MAGI2: variants seen among roughly 807,000 people sequenced by gnomAD.
MAGI2 encodes membrane associated guanylate kinase, WW and PDZ domain containing 2, also known as membrane-associated guanylate kinase, WW and PDZ domain-containing protein 2.
A neutral mutation model predicts 133.3 loss-of-function variants in MAGI2; 35 were observed. The ratio of observed to expected loss-of-function variants is 0.26; its 90% CI spans 0.20 to 0.35. The LOEUF (loss-of-function observed/expected upper bound fraction) is 0.35. MAGI2 is among the 10% of genes least tolerant of loss of function. The probability of loss-of-function intolerance (pLI) is 1.00; values close to 1 mark genes in which losing one functional copy is unlikely to be tolerated. For synonymous variants in MAGI2, 729 were observed against 710.6 expected (o/e 1.03, Z -0.41); for missense variants, 1,636 against 1,863.4 (o/e 0.88, Z 2.25).
chr7:78,914,894 G>A (rs1042085928), intron 2 of MAGI2, among the ~76,000 whole-genome samples: 9 of 152,182 alleles, frequency 5.9e-5, no homozygotes, highest in African/African-American at 1.7e-4. Context: ...ACAAGTTAAA[G>A]CAGAAGATCA....
chr7:78,583,802 C>T (rs1803103540), intron 3 of MAGI2, among the ~76,000 whole-genome samples: 2 of 152,128 alleles, frequency 1.3e-5, no homozygotes, highest in African/African-American at 4.8e-5. Context: ...AGAGAACAAT[C>T]ATGTATTGGC....
intron 1 of MAGI2, among the ~76,000 whole-genome samples, chr7:79,007,773 A>C (rs1376122120): frequency 6.6e-6 from 1 of 152,142 alleles, no homozygotes; most frequent in African/African-American, 2.4e-5. Flanking sequence ...AAGTTAAAGA[A>C]GAAAAACCTA....
intron 2 of MAGI2, among the ~76,000 whole-genome samples, chr7:78,721,671 A>C (rs1356031638): frequency 6.6e-6 from 1 of 152,076 alleles, no homozygotes. Context: ...GAAGGTTCTC[A>C]AAGAACTAAG....
chr7:79,257,331 ATC>A (rs1489631078), intron 1 of MAGI2, among the ~76,000 whole-genome samples: 2 of 152,206 alleles, frequency 1.3e-5, no homozygotes, highest in Non-Finnish European at 2.9e-5. Context: ...CCTCACAGAT[ATC>A]TGAGTGATAT....
At position 78,595,940 on chromosome 7, in the gene MAGI2, T is replaced by C. The variant is rs112964494; in HGVS notation, c.538+31180A>G. ...CACCAGAATGTCTTTGTAATTCAGC[T>C]CTCTTTTGGTAGATTTTGAATAGAG... On this transcript the variant is annotated intron_variant, in intron 3 of 21. Coordinates refer to ENST00000354212, the MANE Select transcript of MAGI2 (RefSeq NM_012301.4). Among the ~76,000 whole-genome samples, 1,145 of 152,204 alleles carry C rather than the reference T, an allele frequency of 7.5e-3. 11 individuals are homozygous for C. The highest frequency in any genetic ancestry group is 0.026 in the African/African-American group (1,093 of 41,510).
At chr7:79,400,934 A>G (rs1200835893) in intron 1 of MAGI2, among the ~76,000 whole-genome samples, 1 of 152,138 alleles carries the variant, frequency 6.6e-6, no homozygotes, top group Non-Finnish European at 1.5e-5. Context: ...CCAGCTCTCA[A>G]TATGACAGAT....
intron 11 of MAGI2, among the ~76,000 whole-genome samples, chr7:78,198,428 G>A (rs964072447): frequency 4.1e-5 from 4 of 97,494 alleles, no homozygotes; most frequent in African/African-American, 1.2e-4. Flanking sequence ...GGCTGTGGCC[G>A]TTTTTTTTTT....
intron 1 of MAGI2, among the ~76,000 whole-genome samples, chr7:79,170,003 T>G (rs1442460538): frequency 4.6e-5 from 7 of 152,002 alleles, no homozygotes; most frequent in Admixed American, 4.6e-4. Context: ...CAATTTCCCT[T>G]AATTTGGAAG....
At chr7:78,863,910 T>G (rs1163160558) in intron 2 of MAGI2, among the ~76,000 whole-genome samples, 1 of 152,238 alleles carries the variant, frequency 6.6e-6, no homozygotes, top group Non-Finnish European at 1.5e-5. Flanking sequence ...GAATTCTCTT[T>G]ACAATCATTG....
chr7:78,187,579 A>G (rs1452763510), intron 12 of MAGI2, among the ~76,000 whole-genome samples: 1 of 152,206 alleles, frequency 6.6e-6, no homozygotes, highest in Non-Finnish European at 1.5e-5. Context: ...TTTTGTTTCA[A>G]ATAAAGAGCC....
chr7:78,648,978 C>CT, intron 2 of MAGI2, among the ~76,000 whole-genome samples: 1 of 152,106 alleles, frequency 6.6e-6, no homozygotes, highest in South Asian at 2.1e-4. Context: ...TTCAAGAGTT[C>CT]TGAAGCCCAT....
At chr7:78,660,382 ATTAACC>A (rs772910412) in intron 2 of MAGI2, among the ~76,000 whole-genome samples, 7 of 137,604 alleles carry the variant, frequency 5.1e-5, no homozygotes, top group Non-Finnish European at 1.1e-4. Context: ...GGAAATTAGC[ATTAACC>A]CTAAACTTAC....
At chr7:79,438,889 G>A (rs1476636610) in intron 1 of MAGI2, among the ~76,000 whole-genome samples, 4 of 151,866 alleles carry the variant, frequency 2.6e-5, no homozygotes, top group South Asian at 2.1e-4. Flanking sequence ...TTTCTCCTTC[G>A]CCTAAACACA....
intron 5 of MAGI2, among the ~76,000 whole-genome samples, chr7:78,495,805 T>C (rs1271594302): frequency 2.0e-5 from 3 of 152,224 alleles, no homozygotes; most frequent in African/African-American, 7.2e-5. Context: ...ATATTGTGGA[T>C]GTGTATTGCA....
intron 10 of MAGI2, among the ~76,000 whole-genome samples, chr7:78,243,587 T>A (rs1192878144): frequency 6.6e-6 from 1 of 152,168 alleles, no homozygotes; most frequent in East Asian, 1.9e-4. Flanking sequence ...ATATAGTCTA[T>A]GATACCTCTT....
At chr7:79,317,411 T>G (rs146357128) in intron 1 of MAGI2, among the ~76,000 whole-genome samples, 2 of 152,106 alleles carry the variant, frequency 1.3e-5, no homozygotes, top group South Asian at 2.1e-4. Flanking sequence ...GAGTATATAA[T>G]GCACTGACTG....
intron 1 of MAGI2, among the ~76,000 whole-genome samples, chr7:79,242,126 T>C (rs1256722106): frequency 6.6e-6 from 1 of 152,190 alleles, no homozygotes; most frequent in Non-Finnish European, 1.5e-5. Flanking sequence ...TTGTACATTA[T>C]GGTGATTATA....
At chr7:78,780,594 C>T (rs1361739245) in intron 2 of MAGI2, among the ~76,000 whole-genome samples, 2 of 152,154 alleles carry the variant, frequency 1.3e-5, no homozygotes, top group African/African-American at 2.4e-5. Flanking sequence ...CCCATGCTCC[C>T]GATCTTCACC....
rs1399941879 is a variant in MAGI2, at chr7:78,020,026, C to G, written c.3707-50G>C. On this transcript the variant is annotated intron_variant, in intron 21 of 21. Coordinates refer to ENST00000354212, the MANE Select transcript of MAGI2 (RefSeq NM_012301.4). ...AGCAGTGGCGCACGCAGGACGTCCC[C>G]GTGCCCTCTCTACGCCGGGGACAGG... 4.0e-6 allele frequency: 6 copies of G among 1,495,812 alleles called. 1 individual carries two copies. In the Admixed American group the frequency reaches 6.8e-5, roughly 17 times the overall value. 92.7% of individuals were successfully genotyped at this position (1,495,812 alleles called of 1,614,324 possible). A position where few individuals can be genotyped will look rare whatever the true frequency, so the allele number is the denominator to read the frequency against.
Sources: gnomAD v4.1 joint callset for allele counts (sites outside exome capture counted in the v4.1 genomes callset) on GRCh38, gnomAD v4.1.1 for gene constraint, MANE v1.5 for transcripts, NCBI Gene and HGNC (gene_info 2026-07-23, HGNC 2026-07-21) for gene names.